The following DPEP3 variants were observed in gnomAD, a reference collection of about 807,000 sequenced individuals.
DPEP3 encodes the protein dipeptidase 3, also known as membrane-bound dipeptidase 3.
In DPEP3, 42 loss-of-function variants were observed where a neutral mutation model predicts 47.5. That is an observed-to-expected ratio of 0.88 (90% CI 0.69 to 1.14). The LOEUF is 1.14. Ranked by LOEUF, DPEP3 falls within the 50% of genes most tolerant of loss-of-function variation. DPEP3 has a pLI of 0.00. For synonymous variants in DPEP3, 276 were observed against 270.2 expected (o/e 1.02, Z -0.21); for missense variants, 560 against 635.0 (o/e 0.88, Z 1.27).
rs2031227457 is a variant in DPEP3 at position 67,977,663 on chromosome 16, A to G, written c.923T>C (p.Leu308Pro). ...DNLLNVPDDI[L>P]QLLKKNGGIV... ...GGGATGGCCACTCACCAGAAGCTGCAGGATATCATCGGGAACATTCAACAA... is the reference window on the plus strand; with the variant it reads ...GGGATGGCCACTCACCAGAAGCTGCGGGATATCATCGGGAACATTCAACAA... Residue 308 changes from leucine (L) to proline (P), a missense_variant, in exon 6 of 10, where the codon CTG becomes CCG. Transcript: ENST00000268793. The G allele has an allele frequency of 6.2e-7, 1 of 1,611,190 alleles. No homozygotes were observed. The highest frequency in any genetic ancestry group is 8.5e-7 in the Non-Finnish European group (1 of 1,178,786).
chr16:67,976,454 G>A (rs2031197753), intron 8 of DPEP3, among the ~76,000 whole-genome samples: 1 of 152,196 alleles, frequency 6.6e-6, no homozygotes. Flanking sequence ...AGCATATCTT[G>A]GACAGATGAG....
At position 67,978,072 on chromosome 16, in the gene DPEP3, C is replaced by T; in HGVS notation, c.687-65G>A. On this transcript the variant is annotated intron_variant, in intron 4 of 9. Coordinates refer to ENST00000268793, the MANE Select transcript of DPEP3 (RefSeq NM_001370198.1). The surrounding 1 kb of genome is among the most constrained non-coding windows in gnomAD (Gnocchi z 4.4). ...CCTTGGGCCATCACAGCCTGGGGGC[C>T]CTGGCTCTATCCATCCATCCTGCTT... 1 of 1,600,828 alleles carries T rather than the reference C, an allele frequency of 6.2e-7. No homozygotes were observed. The highest frequency in any genetic ancestry group is 8.6e-7 in the Non-Finnish European group (1 of 1,168,884).
Position 67,979,639 on chromosome 16 carries a change from C to T in DPEP3, c.414G>A (p.Gln138=). The T allele has an allele frequency of 6.2e-7, 1 of 1,613,762 alleles. No homozygotes were observed. The highest frequency in any genetic ancestry group is 8.5e-7 in the Non-Finnish European group (1 of 1,179,946). Reference sequence around the variant, plus strand: ...GGCACCCTGTGTGTCCCTGTGGTACCTGGGCACCCACGAGGCCGTCTCTAA... The same window carrying T: ...GGCACCCTGTGTGTCCCTGTGGTACTTGGGCACCCACGAGGCCGTCTCTAA... ...DRLRDGLVGA[Q]FWSASVSCQS... Residue 138 remains glutamine (Q), a splice_region_variant and synonymous_variant, in exon 2 of 10, where the codon CAG becomes CAA. Coordinates refer to ENST00000268793, the MANE Select transcript of DPEP3 (RefSeq NM_001370198.1).
rs780953457 is a variant in DPEP3, at chr16:67,976,104, G to C, written c.1219C>G (p.Gln407Glu). 2 of 1,614,086 alleles carry C rather than the reference G, an allele frequency of 1.2e-6. No homozygotes were observed. Among genetic ancestry groups the C allele is most frequent in the Non-Finnish European group, 1.7e-6 (2 of 1,180,022 alleles). The change falls in exon 9 of 10, where the codon CAA becomes GAA. Residue 407 changes from glutamine to glutamate, a missense_variant. Coordinates refer to ENST00000268793, the MANE Select transcript of DPEP3 (RefSeq NM_001370198.1). ...CCAGCCCAGCTTACCTTTTCCACTTGTCTGAAGACCCGCAGCAGGTTTCCA... is the reference window on the plus strand; with the variant it reads ...CCAGCCCAGCTTACCTTTTCCACTTCTCTGAAGACCCGCAGCAGGTTTCCA... ...LRGNLLRVFR[Q>E]VEKVREESRA...
rs1223029146 is a variant in DPEP3, at chr16:67,975,848, T to A, written c.1384A>T (p.Arg462Trp). 3 of 1,613,738 alleles carry A rather than the reference T, an allele frequency of 1.9e-6. No homozygotes were observed. In the African/African-American group the frequency reaches 4.0e-5, roughly 22 times the overall value. ...TKQPTNRVPW[R>W]SSNASPYLVP... ...AGGTATGGGGAGGCATTTGAGGACC[T>A]CCAGGGGACCCGATTGGTTGGCTGC... Residue 462 changes from arginine (R) to tryptophan (W), a missense_variant, in exon 10 of 10, where the codon AGG becomes TGG. By Grantham distance (101) the Arg-to-Trp change is moderately radical. Transcript: ENST00000268793.
In DPEP3 at chr16:67,976,779, G is replaced by A. The variant is rs367648030; in HGVS notation, c.1019-4C>T. On this transcript the variant is annotated splice_region_variant and splice_polypyrimidine_tract_variant and intron_variant, in intron 7 of 9. Transcript: ENST00000268793. Reference sequence around the variant, plus strand: ...GCCCTGATGTGGTCAAAGTGATCTAGGGTGGAGGTGAGGGTGGGCAGCACT... The same window carrying A: ...GCCCTGATGTGGTCAAAGTGATCTAAGGTGGAGGTGAGGGTGGGCAGCACT... The A allele has an allele frequency of 1.2e-6, 2 of 1,613,718 alleles. No individual in the cohort carries two copies. The highest frequency in any genetic ancestry group is 1.7e-6 in the Non-Finnish European group (2 of 1,179,816).
In DPEP3 at chr16:67,977,320, G is replaced by T; in HGVS notation, c.968C>A (p.Ser323Tyr). ...CAGGTTGCACTGCAGCACCCCCATG[G>T]ACAGTGTCACCATCACGATGCCACC... is the stretch of plus-strand genomic sequence containing the variant. ...KNGGIVMVTLSMGVLQCNLLA... is the reference protein window; with the variant it reads ...KNGGIVMVTLYMGVLQCNLLA... The change falls in exon 7 of 10, where the codon TCC (serine) becomes TAC (tyrosine). Residue 323 changes from serine to tyrosine, a missense_variant. Coordinates refer to ENST00000268793, the MANE Select transcript of DPEP3 (RefSeq NM_001370198.1). 6.2e-7 allele frequency: 1 copy of T among 1,613,928 alleles called. No homozygotes were observed. The highest frequency in any genetic ancestry group is 8.5e-7 in the Non-Finnish European group (1 of 1,179,880).
At chr16:67,977,572 C>A in intron 6 of DPEP3, 81 bp downstream of exon 6, 3 of 1,497,274 alleles carry the variant, frequency 2.0e-6, no homozygotes, top group Non-Finnish European at 2.7e-6. Context: ...GTGTGTGAAA[C>A]CTGGGCTGGT....
At position 67,977,839 on chromosome 16, in the gene DPEP3, C is replaced by A. The variant is rs1567434114; in HGVS notation, c.757-10G>T. ...ACTCCTCTACTACTTTCTGCAGAAA[C>A]AATTAGGTTTTTTTGTGGGGGAGGG... On this transcript the variant is annotated splice_polypyrimidine_tract_variant and intron_variant, in intron 5 of 9. Coordinates refer to ENST00000268793, the MANE Select transcript of DPEP3 (RefSeq NM_001370198.1). 1.2e-6 allele frequency: 2 copies of A among 1,613,748 alleles called. No homozygotes were observed. Among genetic ancestry groups the A allele is most frequent in the South Asian group, 2.2e-5 (2 of 91,070 alleles).
chr16:67,976,372 G>A, intron 8 of DPEP3, 144 bp from the exon 9 acceptor site: 1 of 1,184,542 alleles, frequency 8.4e-7, no homozygotes, highest in South Asian at 1.5e-5. Flanking sequence ...GCTCCTGGAG[G>A]ACTGGGCTTC....
chr16:67,976,557 C>T, intron 8 of DPEP3, 143 bp downstream of exon 8: 1 of 782,556 alleles, frequency 1.3e-6, no homozygotes, highest in Non-Finnish European at 2.1e-6. Flanking sequence ...AGGAAACAGG[C>T]CCTGAGAGTG....
Position 67,976,167 on chromosome 16 carries a change from G to T in DPEP3, c.1156C>A (p.Arg386Ser). Reference protein sequence around the residue: ...YPVLIEELLSRSWSEEELQGV... With the variant: ...YPVLIEELLSSSWSEEELQGV... Reference sequence around the variant, plus strand: ...TGAAGCTCTTCCTCGCTCCAGCTACGACTCAGCAACTCCTCTATCAGGACT... The same window carrying T: ...TGAAGCTCTTCCTCGCTCCAGCTACTACTCAGCAACTCCTCTATCAGGACT... The change falls in exon 9 of 10, where the codon CGT becomes AGT. Residue 386 changes from arginine to serine, a missense_variant. Physicochemically the swap from Arg to Ser is moderately radical, Grantham distance 110. Coordinates refer to ENST00000268793, the MANE Select transcript of DPEP3 (RefSeq NM_001370198.1). 6 of 1,614,170 alleles carry T rather than the reference G, an allele frequency of 3.7e-6. No homozygotes were observed. The highest frequency in any genetic ancestry group is 5.1e-6 in the Non-Finnish European group (6 of 1,180,034).
Position 67,977,740 on chromosome 16 carries a change from A to G in DPEP3, c.846T>C (p.Ser282=), listed in dbSNP as rs377706312. The G allele has an allele frequency of 2.2e-5, 36 of 1,613,460 alleles. No homozygotes were observed. The highest frequency in any genetic ancestry group is 2.9e-5 in the Non-Finnish European group (34 of 1,179,698). The part of the protein sequence containing the change: ...DTLIRRVLEV[S]QAPVIFSHSA... ...AGTGGGAGAAGATCACAGGAGCCTGAGACACTTCCAGGACCCTTCTTATCA... is the reference window on the plus strand; with the variant it reads ...AGTGGGAGAAGATCACAGGAGCCTGGGACACTTCCAGGACCCTTCTTATCA... Residue 282 remains serine (S), a synonymous_variant, in exon 6 of 10, where the codon TCT becomes TCC. Transcript: ENST00000268793.
rs866841412 is a variant in DPEP3 at position 67,977,753 on chromosome 16, AC to A, written c.832del (p.Val278SerfsTer9). The stretch of plus-strand genomic sequence containing the variant: ...CACAGGAGCCTGAGACACTTCCAGG[AC>A]CCTTCTTATCAAGGTGTCCGATGCA... ...SYASDTLIRR[V>X]LEVSQAPVIF... On this transcript the variant is annotated frameshift_variant, in exon 6 of 10. Transcript: ENST00000268793. LOFTEE classifies it high-confidence loss of function. The A allele has an allele frequency of 7.4e-6, 12 of 1,613,626 alleles. No homozygotes were observed. In the African/African-American group the frequency reaches 1.6e-4, roughly 22 times the overall value.
At position 67,976,782 on chromosome 16, in the gene DPEP3, T is replaced by C; in HGVS notation, c.1019-7A>G. 1 of 1,613,336 alleles carries C rather than the reference T, an allele frequency of 6.2e-7. No homozygotes were observed. The highest frequency in any genetic ancestry group is 8.5e-7 in the Non-Finnish European group (1 of 1,179,676). On this transcript the variant is annotated splice_region_variant and splice_polypyrimidine_tract_variant and intron_variant, in intron 7 of 9. Coordinates refer to ENST00000268793, the MANE Select transcript of DPEP3 (RefSeq NM_001370198.1). ...CTGATGTGGTCAAAGTGATCTAGGGTGGAGGTGAGGGTGGGCAGCACTAGG... is the reference window on the plus strand; with the variant it reads ...CTGATGTGGTCAAAGTGATCTAGGGCGGAGGTGAGGGTGGGCAGCACTAGG...
Position 67,980,407 on chromosome 16 carries a change from CT to C in DPEP3, c.-28del. 6.7e-7 allele frequency: 1 copy of C among 1,497,828 alleles called. No homozygotes were observed. The highest frequency in any genetic ancestry group is 8.9e-7 in the Non-Finnish European group (1 of 1,124,224). The allele number at this position is 1,497,828 out of a possible 1,614,324, so 92.8% of individuals were successfully genotyped here. A position where few individuals can be genotyped will look rare whatever the true frequency, so the allele number is the denominator to read the frequency against. ...TTGCGCGGGGGTCGGCCGCGGGAGCCTGGGAGGAGCAGGCGATGGGCAGAGG... is the reference window on the plus strand; with the variant it reads ...TTGCGCGGGGGTCGGCCGCGGGAGCCGGGAGGAGCAGGCGATGGGCAGAGG... On this transcript the variant is annotated 5_prime_UTR_variant, in exon 1 of 10. Transcript: ENST00000268793.
intron 8 of DPEP3, among the ~76,000 whole-genome samples, chr16:67,976,494 G>C (rs1326674056): frequency 1.3e-5 from 2 of 152,218 alleles, no homozygotes; most frequent in Non-Finnish European, 2.9e-5. Flanking sequence ...TATTTAGCAA[G>C]TATGACAACT....
chr16:67,975,690 A>T lies in DPEP3; in HGVS notation c.*75T>A. The T allele has an allele frequency of 2.2e-6, 3 of 1,362,440 alleles. No homozygotes were observed. The South Asian group carries it at 3.9e-5, about 18-fold the overall frequency. The allele number at this position is 1,362,440 out of a possible 1,614,324, so 84.4% of individuals were successfully genotyped here. On this transcript the variant is annotated 3_prime_UTR_variant, in exon 10 of 10. Coordinates refer to ENST00000268793, the MANE Select transcript of DPEP3 (RefSeq NM_001370198.1). Reference sequence around the variant, plus strand: ...CATGTGTAACATGTTTATTCTCAGCATATGCTTGTGAATGAACTAGGAGAG... The same window carrying T: ...CATGTGTAACATGTTTATTCTCAGCTTATGCTTGTGAATGAACTAGGAGAG...
At chr16:67,979,590 A>G (rs770974447) in intron 2 of DPEP3, 49 bp downstream of exon 2, 4 of 1,606,906 alleles carry the variant, frequency 2.5e-6, no homozygotes, top group Non-Finnish European at 8.5e-7. Flanking sequence ...CTGTGACCCC[A>G]ACATCCCCCA....
Sources: allele counts gnomAD v4.1 joint callset (sites outside exome capture counted in the v4.1 genomes callset), GRCh38; gene constraint gnomAD v4.1.1; non-coding constraint Gnocchi (gnomAD v3.1); transcripts MANE v1.5; gene names NCBI Gene and HGNC (gene_info 2026-07-23, HGNC 2026-07-21).